NMBR: variants seen among roughly 807,000 people sequenced by gnomAD.
NMBR encodes neuromedin-B receptor.
In NMBR, 16 loss-of-function variants were observed where a neutral mutation model predicts 20.5. The observed-to-expected ratio is 0.78, with a 90% CI of 0.53 to 1.19. NMBR has a LOEUF of 1.19. Among genes scored for constraint, NMBR ranks in the 50% most tolerant of loss-of-function variants. The probability of loss-of-function intolerance (pLI) is 0.00; values close to 1 mark genes in which losing one functional copy is unlikely to be tolerated. For synonymous variants in NMBR, 212 were observed against 196.6 expected, an observed-to-expected ratio of 1.08 and a Z score of -0.65; for missense variants, 582 against 499.1, an observed-to-expected ratio of 1.17 and a Z score of -1.58.
chr6:142,143,606 G>T (rs533544127), intron 1 of NMBR, among the ~76,000 whole-genome samples: 1 of 152,136 alleles, frequency 6.6e-6, no homozygotes, highest in South Asian at 2.1e-4. Context: ...AAACCATGTC[G>T]AGTAAGGCTT....
chr6:142,098,664 G>T (rs1451252982), intron 1 of NMBR, among the ~76,000 whole-genome samples: 3 of 152,078 alleles, frequency 2.0e-5, no homozygotes, highest in Non-Finnish European at 4.4e-5. Flanking sequence ...GAAGAAAATT[G>T]GAGAACTAAA....
At chr6:142,080,594 T>C (rs1028732968) in intron 2 of NMBR, among the ~76,000 whole-genome samples, 3 of 152,166 alleles carry the variant, frequency 2.0e-5, no homozygotes, top group African/African-American at 7.2e-5. Flanking sequence ...GTTATAGGTA[T>C]GAGCTACTGC....
chr6:142,131,913 T>C (rs1461965746), intron 1 of NMBR, among the ~76,000 whole-genome samples: 1 of 152,224 alleles, frequency 6.6e-6, no homozygotes, highest in Admixed American at 6.5e-5. Context: ...AAAGCACTAT[T>C]CCTTCTTATG....
rs185684946 is a variant in NMBR at position 142,087,966 on chromosome 6, G to A, written c.422+271C>T. On this transcript the variant is annotated intron_variant, in intron 2 of 3. Transcript: ENST00000258042. Reference sequence around the variant, plus strand: ...TATGAAATAATATTCCCTAAGTGTCGGAGGTGGGACTAGGAGATGCAATTT... The same window carrying A: ...TATGAAATAATATTCCCTAAGTGTCAGAGGTGGGACTAGGAGATGCAATTT... Among the ~76,000 whole-genome samples the A allele has an allele frequency of 1.2e-3, 190 of 152,182 alleles. 1 individual carries two copies. The highest frequency in any genetic ancestry group is 4.4e-3 in the African/African-American group (182 of 41,514).
chr6:142,147,070 G>T lies in NMBR; in HGVS notation c.-690C>A, dbSNP rs141953652. ...AGCAGAGAGCGCTAGCGCCATGCGCGGCATAAGCGCCAAAATGCTCGGGTC... is the reference window on the plus strand; with the variant it reads ...AGCAGAGAGCGCTAGCGCCATGCGCTGCATAAGCGCCAAAATGCTCGGGTC... On this transcript the variant is annotated 5_prime_UTR_variant, in exon 1 of 4. Transcript: ENST00000258042. The T allele has an allele frequency of 4.2e-4, 233 of 561,074 alleles. 1 individual carries two copies. Among genetic ancestry groups the T allele is most frequent in the African/African-American group, 3.9e-3 (208 of 53,574 alleles). The allele number at this position is 561,074 out of a possible 1,614,324, so 34.8% of individuals were successfully genotyped here.
chr6:142,075,810 G>T lies in NMBR; in HGVS notation c.1011C>A (p.Ser337Arg). ...AGGACTTCCTCCCACAGCAGAGTTG[G>T]CTGTTGAAATGCCTCCTGAAGCTTT... ...LSESFRRHFN[S>R]QLCCGRKSYQ... The change falls in exon 4 of 4, where the codon AGC (serine) becomes AGA (arginine). Residue 337 changes from serine (S) to arginine (R), a missense_variant. Ser to Arg is a moderately radical substitution (Grantham distance 110, BLOSUM62 -1). Coordinates refer to ENST00000258042, the MANE Select transcript of NMBR (RefSeq NM_002511.4). 1 of 1,614,118 alleles carries T rather than the reference G, an allele frequency of 6.2e-7. No individual in the cohort carries two copies. The highest frequency in any genetic ancestry group is 8.5e-7 in the Non-Finnish European group (1 of 1,179,978).
chr6:142,135,110 T>G, intron 1 of NMBR: 1 of 319,680 alleles, frequency 3.1e-6, no homozygotes, highest in East Asian at 5.0e-5. Context: ...TTTGATCACT[T>G]TTATTAGAAA....
intron 3 of NMBR, among the ~76,000 whole-genome samples, chr6:142,076,348 G>A (rs1776948135): frequency 6.6e-6 from 1 of 151,954 alleles, no homozygotes; most frequent in Non-Finnish European, 1.5e-5. Flanking sequence ...GTCTCATTGT[G>A]TGTAACATAA....
intron 1 of NMBR, chr6:142,134,046 T>G (rs1053172204): frequency 7.4e-6 from 5 of 672,046 alleles, no homozygotes; most frequent in Admixed American, 4.1e-5. Flanking sequence ...AGTTTTTCTG[T>G]GTGCACATAA....
At position 142,074,580 on chromosome 6, in the gene NMBR, T is replaced by C. The variant is rs996100337; in HGVS notation, c.*1068A>G. The stretch of plus-strand genomic sequence containing the variant: ...TGCATTTTCCTAAAAAAAGAAGACA[T>C]TTGTTCAGAGAAAACTGTGGTATCA... On this transcript the variant is annotated 3_prime_UTR_variant, in exon 4 of 4. Transcript: ENST00000258042. Among the ~76,000 whole-genome samples the C allele has an allele frequency of 2.0e-5, 3 of 152,154 alleles. No homozygotes were observed. The highest frequency in any genetic ancestry group is 4.4e-5 in the Non-Finnish European group (3 of 68,018).
intron 1 of NMBR, among the ~76,000 whole-genome samples, chr6:142,104,381 A>C (rs1777619942): frequency 6.6e-6 from 1 of 152,226 alleles, no homozygotes; most frequent in East Asian, 1.9e-4. Flanking sequence ...TTTATTTGGC[A>C]GTGGTTTCCA....
intron 1 of NMBR, among the ~76,000 whole-genome samples, chr6:142,105,190 G>A (rs1352428880): frequency 6.6e-6 from 1 of 152,122 alleles, no homozygotes; most frequent in Non-Finnish European, 1.5e-5. Context: ...GGGTGGGGCA[G>A]GAACAGATCA....
chr6:142,096,542 T>C (rs1777455861), intron 1 of NMBR, among the ~76,000 whole-genome samples: 1 of 152,172 alleles, frequency 6.6e-6, no homozygotes, highest in Non-Finnish European at 1.5e-5. Flanking sequence ...AGAGACAGTT[T>C]GTTATAATTT....
intron 1 of NMBR, among the ~76,000 whole-genome samples, chr6:142,121,968 G>C (rs1777950168): frequency 6.6e-6 from 1 of 151,854 alleles, no homozygotes; most frequent in African/African-American, 2.4e-5. Context: ...ACTCAAGATA[G>C]CTACCAGAAC....
intron 2 of NMBR, 76 bp downstream of exon 2, chr6:142,088,161 G>GC (rs1468754530): frequency 7.0e-7 from 1 of 1,433,616 alleles, no homozygotes; most frequent in African/African-American, 1.4e-5. Flanking sequence ...GCCAGTAGGT[G>GC]CACTCCGGGT....
At chr6:142,134,389 T>A in intron 1 of NMBR, 1 of 444,446 alleles carries the variant, frequency 2.2e-6, no homozygotes, top group Non-Finnish European at 3.9e-6. Context: ...ACTACCTTCA[T>A]TATATTAAGA....
chr6:142,107,246 T>TA (rs1350858512), intron 1 of NMBR, among the ~76,000 whole-genome samples: 2 of 151,746 alleles, frequency 1.3e-5, no homozygotes, highest in Non-Finnish European at 2.9e-5. Flanking sequence ...TATTCCACAA[T>TA]AAAAAAACAA....
At chr6:142,096,662 G>A (rs1777458643) in intron 1 of NMBR, among the ~76,000 whole-genome samples, 1 of 152,088 alleles carries the variant, frequency 6.6e-6, no homozygotes, top group African/African-American at 2.4e-5. Context: ...ATTTGGGGTG[G>A]AGAGTTCTGT....
At chr6:142,143,861 T>C (rs1582868318) in intron 1 of NMBR, among the ~76,000 whole-genome samples, 1 of 151,118 alleles carries the variant, frequency 6.6e-6, no homozygotes, top group African/African-American at 2.4e-5. Context: ...ATCAAAATCA[T>C]GTGGACCGGG....
Sources: gnomAD v4.1 joint callset for allele counts (sites outside exome capture counted in the v4.1 genomes callset) on GRCh38, gnomAD v4.1.1 for gene constraint, MANE v1.5 for transcripts, NCBI Gene and HGNC (gene_info 2026-07-23, HGNC 2026-07-21) for gene names.